Variants in DNAJC13 observed in about 807,000 individuals in gnomAD.
DNAJC13 encodes DnaJ heat shock protein family (Hsp40) member C13.
In DNAJC13, 75 loss-of-function variants were observed where a neutral mutation model predicts 290.5. The observed-to-expected ratio is 0.26, with a 90% CI of 0.21 to 0.31. The LOEUF is 0.31. DNAJC13 is among the 10% of genes least tolerant of loss of function. The pLI is 1.00. For missense variants in DNAJC13, 2,260 were observed against 2,674.5 expected (o/e 0.85, Z 3.42); for synonymous variants, 862 against 892.0 (o/e 0.97, Z 0.60).
Position 132,481,676 on chromosome 3 carries a change from C to T in DNAJC13, c.2875-550C>T, listed in dbSNP as rs1388905495. The stretch of plus-strand genomic sequence containing the variant: ...ATTCTTGTAAAACATTGATAGAGAA[C>T]ATTGTAAGAATTATTTGTAGTAAGG... On this transcript the variant is annotated intron_variant, in intron 26 of 55. Coordinates refer to ENST00000260818, the MANE Select transcript of DNAJC13 (RefSeq NM_015268.4). 3.3e-5 allele frequency among the ~76,000 whole-genome samples: 5 copies of T among 152,248 alleles called. No individual in the cohort carries two copies. In the East Asian group the frequency reaches 9.7e-4, roughly 29 times the overall value.
chr3:132,524,775 C>T (rs540320800), intron 51 of DNAJC13, among the ~76,000 whole-genome samples: 1 of 152,146 alleles, frequency 6.6e-6, no homozygotes, highest in African/African-American at 2.4e-5. Context: ...TCTTTTTGGA[C>T]ACATTCCAAT....
At chr3:132,507,376 T>G (rs1259826480) in intron 43 of DNAJC13, 23 bp downstream of exon 43, 1 of 1,281,856 alleles carries the variant, frequency 7.8e-7, no homozygotes, top group Admixed American at 1.7e-5. Flanking sequence ...CTTTTAATTT[T>G]ACCTGATACC....
intron 49 of DNAJC13, 25 bp from the exon 50 acceptor site, chr3:132,523,132 G>A (rs371254716): frequency 1.2e-6 from 2 of 1,613,616 alleles, no homozygotes; most frequent in Non-Finnish European, 1.7e-6. Context: ...CTGAAGTTTG[G>A]TATCCATCCC....
At chr3:132,434,396 A>C (rs978344766) in intron 1 of DNAJC13, 142 bp from the exon 2 acceptor site, 29 of 506,438 alleles carry the variant, frequency 5.7e-5, no homozygotes, top group South Asian at 2.7e-4. Flanking sequence ...AAAAAAAAAA[A>C]AACAAAACCT....
chr3:132,433,799 G>A (rs1014021803), intron 1 of DNAJC13, among the ~76,000 whole-genome samples: 1 of 152,228 alleles, frequency 6.6e-6, no homozygotes, highest in Non-Finnish European at 1.5e-5. Context: ...TGGGGATGTT[G>A]ATAGAGGTCA....
intron 36 of DNAJC13, among the ~76,000 whole-genome samples, 168 bp downstream of exon 36, chr3:132,496,831 A>C: frequency 6.6e-6 from 1 of 152,052 alleles, no homozygotes; most frequent in Non-Finnish European, 1.5e-5. Context: ...TTTCTAAAGA[A>C]GGGCCCAAAT....
chr3:132,457,023 C>A (rs1489027219), intron 12 of DNAJC13, among the ~76,000 whole-genome samples, 191 bp downstream of exon 12: 1 of 152,108 alleles, frequency 6.6e-6, no homozygotes, highest in East Asian at 1.9e-4. Context: ...CCATACTCAC[C>A]AGTAATATAA....
At chr3:132,435,959 G>T (rs868314935) in intron 2 of DNAJC13, among the ~76,000 whole-genome samples, 3 of 151,872 alleles carry the variant, frequency 2.0e-5, no homozygotes, top group Non-Finnish European at 2.9e-5. Context: ...TTTTTTCCTC[G>T]TAATAATTCA....
chr3:132,425,479 A>G (rs567009210), intron 1 of DNAJC13, among the ~76,000 whole-genome samples: 290 of 152,310 alleles, frequency 1.9e-3, no homozygotes, highest in African/African-American at 6.1e-3. Flanking sequence ...ATTTTACTGT[A>G]CTTGCTTTAT....
chr3:132,523,238 A>T, intron 50 of DNAJC13, 39 bp downstream of exon 50: 1 of 1,608,288 alleles, frequency 6.2e-7, no homozygotes, highest in South Asian at 1.1e-5. Flanking sequence ...TTTTCTGTTG[A>T]TTTAGTTGTT....
At chr3:132,510,270 T>A (rs1935732524) in intron 43 of DNAJC13, among the ~76,000 whole-genome samples, 1 of 152,204 alleles carries the variant, frequency 6.6e-6, no homozygotes, top group African/African-American at 2.4e-5. Context: ...AAGATTTTTT[T>A]AGAAGATGAC....
At chr3:132,445,239 A>C (rs1161947414) in intron 2 of DNAJC13, among the ~76,000 whole-genome samples, 1 of 152,138 alleles carries the variant, frequency 6.6e-6, no homozygotes. Flanking sequence ...ATTTAACTTA[A>C]GCATTTTTGA....
intron 35 of DNAJC13, among the ~76,000 whole-genome samples, chr3:132,496,221 T>G (rs1935229712): frequency 6.6e-6 from 1 of 152,204 alleles, no homozygotes. Context: ...CAGTAGCTCA[T>G]AATTTTTGTT....
intron 55 of DNAJC13, among the ~76,000 whole-genome samples, chr3:132,537,698 G>A (rs948853411): frequency 8.5e-5 from 13 of 152,168 alleles, no homozygotes; most frequent in Admixed American, 3.9e-4. Flanking sequence ...ACCCTTGTTC[G>A]TTTGGTGTTA....
intron 31 of DNAJC13, among the ~76,000 whole-genome samples, chr3:132,490,486 C>T (rs552969283): frequency 7.9e-5 from 12 of 152,262 alleles, no homozygotes; most frequent in Non-Finnish European, 1.6e-4. Context: ...ATCTTCTGAA[C>T]TTATTTTTGA....
At chr3:132,477,945 C>G in intron 23 of DNAJC13, 36 bp from the exon 24 acceptor site, 1 of 1,601,092 alleles carries the variant, frequency 6.2e-7, no homozygotes. Context: ...GGTTTCATGG[C>G]TATTTCTATT....
chr3:132,429,054 T>C (rs754016624), intron 1 of DNAJC13, among the ~76,000 whole-genome samples: 39 of 152,214 alleles, frequency 2.6e-4, no homozygotes, highest in African/African-American at 4.8e-5. Flanking sequence ...TTTAAGCTTA[T>C]ATAAAGAAGG....
At chr3:132,509,544 T>C (rs1559905440) in intron 43 of DNAJC13, among the ~76,000 whole-genome samples, 4 of 152,246 alleles carry the variant, frequency 2.6e-5, no homozygotes. Context: ...TTGGGAAGAT[T>C]GACTTCAATT....
At chr3:132,460,228 G>A in intron 13 of DNAJC13, 22 bp from the exon 14 acceptor site, 1 of 1,239,948 alleles carries the variant, frequency 8.1e-7, no homozygotes, top group Non-Finnish European at 1.1e-6. Context: ...AATTATCACT[G>A]TTTTTTTTTT....
Sources: gnomAD v4.1 joint callset for allele counts (sites outside exome capture counted in the v4.1 genomes callset) on GRCh38, gnomAD v4.1.1 for gene constraint, MANE v1.5 for transcripts, NCBI Gene and HGNC (gene_info 2026-07-23, HGNC 2026-07-21) for gene names.